GSPT1: variants seen among roughly 807,000 people sequenced by gnomAD.
The protein encoded by GSPT1 is G1 to S phase transition 1.
In GSPT1, 20 loss-of-function variants were observed where a neutral mutation model predicts 72.5. The observed-to-expected ratio is 0.28, with a 90% CI of 0.19 to 0.40. The LOEUF is 0.40. Among genes scored for constraint, GSPT1 ranks in the 10% least tolerant of loss-of-function variants. GSPT1 has a pLI of 1.00. For missense variants in GSPT1, 580 were observed against 811.9 expected, an observed-to-expected ratio of 0.71 and a Z score of 3.47; for synonymous variants, 334 against 293.5, an observed-to-expected ratio of 1.14 and a Z score of -1.41.
chr16:11,881,616 A>G, intron 11 of GSPT1: 1 of 145,332 alleles, frequency 6.9e-6, no homozygotes, highest in Non-Finnish European at 1.5e-5. Context: ...TCCCTCCTTC[A>G]GCCCCTTGCA....
chr16:11,914,289 G>A (rs141797753), intron 1 of GSPT1, among the ~76,000 whole-genome samples: 5 of 152,270 alleles, frequency 3.3e-5, no homozygotes, highest in Non-Finnish European at 5.9e-5. Context: ...GTACCTGAAA[G>A]CAAGCTACCT....
intron 1 of GSPT1, among the ~76,000 whole-genome samples, chr16:11,912,347 CAA>C (rs57472965): frequency 3.1e-4 from 34 of 110,738 alleles, no homozygotes; most frequent in South Asian, 5.6e-4. Flanking sequence ...GACTCCGTCT[CAA>C]AAAAAAAAAA....
At chr16:11,874,688 T>A (rs2054018376) in intron 14 of GSPT1, among the ~76,000 whole-genome samples, 2 of 152,150 alleles carry the variant, frequency 1.3e-5, no homozygotes, top group African/African-American at 2.4e-5. Context: ...AAATAAACAC[T>A]GTCTTTATAC....
Position 11,891,372 on chromosome 16 carries a change from T to A in GSPT1, c.699-233A>T, listed in dbSNP as rs71385104. Among the ~76,000 whole-genome samples, 1,254 of 147,878 alleles carry A rather than the reference T, an allele frequency of 8.5e-3. 8 individuals are homozygous for A. The highest frequency in any genetic ancestry group is 0.02 in the South Asian group (94 of 4,766). On this transcript the variant is annotated intron_variant, in intron 5 of 14. Coordinates refer to ENST00000434724, the MANE Select transcript of GSPT1 (RefSeq NM_002094.4). ...ATATATTACATATATATATATATTT[T>A]TTTTTTTGAGACAGAGTTTCGCTCT...
chr16:11,881,173 CAGGCA>C (rs2054117790), intron 11 of GSPT1: 1 of 152,392 alleles, frequency 6.6e-6, no homozygotes, highest in Admixed American at 6.5e-5. Context: ...GCTGGGATTA[CAGGCA>C]TGGCCCACCC....
At chr16:11,888,755 C>T (rs1020393461) in intron 6 of GSPT1, among the ~76,000 whole-genome samples, 3 of 151,880 alleles carry the variant, frequency 2.0e-5, no homozygotes, top group South Asian at 4.2e-4. Context: ...AGTGAGACTC[C>T]GTCTCAAAAA....
intron 6 of GSPT1, among the ~76,000 whole-genome samples, chr16:11,888,005 T>C (rs1264968054): frequency 6.6e-6 from 1 of 151,180 alleles, no homozygotes; most frequent in Non-Finnish European, 1.5e-5. Flanking sequence ...CTACCGAAAA[T>C]ACAAAAATTA....
Position 11,915,620 on chromosome 16 carries a change from G to C in GSPT1, c.101C>G (p.Ala34Gly), listed in dbSNP as rs1030449367. The change falls in exon 1 of 15, where the codon GCG becomes GGG. Residue 34 changes from alanine (A) to glycine (G), a missense_variant. Ala to Gly is a moderately conservative substitution (Grantham distance 60). Transcript: ENST00000434724. ...GCCCGGCCCGGGGGCTTCCATGTCCGCCTGGTCCCAGCAGTCAGGCGCCGA... is the reference window on the plus strand; with the variant it reads ...GCCCGGCCCGGGGGCTTCCATGTCCCCCTGGTCCCAGCAGTCAGGCGCCGA... ...SDSAPDCWDQ[A>G]DMEAPGPGPC... is the part of the protein sequence containing the mutation. The C allele has an allele frequency of 6.7e-7, 1 of 1,493,840 alleles. No homozygotes were observed. The highest frequency in any genetic ancestry group is 8.9e-7 in the Non-Finnish European group (1 of 1,126,360). The allele number at this position is 1,493,840 out of a possible 1,614,324, so 92.5% of individuals were successfully genotyped here.
At chr16:11,883,186 C>G in intron 10 of GSPT1, 91 bp from the exon 11 acceptor site, 1 of 752,780 alleles carries the variant, frequency 1.3e-6, no homozygotes. Context: ...ACTGCTTATT[C>G]ATAAAGGAAA....
intron 11 of GSPT1, chr16:11,881,848 AG>A: frequency 6.6e-6 from 1 of 152,058 alleles, no homozygotes; most frequent in African/African-American, 2.4e-5. Flanking sequence ...TCACAGAGAC[AG>A]GGTCTCCCTA....
chr16:11,895,489 AT>A (rs1367856312), intron 4 of GSPT1: 1 of 152,478 alleles, frequency 6.6e-6, no homozygotes, highest in Non-Finnish European at 1.5e-5. Flanking sequence ...TTTTTAACAG[AT>A]TACTCCGAAA....
At chr16:11,912,736 A>G (rs2054576445) in intron 1 of GSPT1, among the ~76,000 whole-genome samples, 1 of 152,226 alleles carries the variant, frequency 6.6e-6, no homozygotes, top group South Asian at 2.1e-4. Flanking sequence ...TTGTTCTAAT[A>G]TACATTAAGC....
rs937404384 is a variant in GSPT1 at position 11,886,569 on chromosome 16, T to C, written c.1155A>G (p.Lys385=). The C allele has an allele frequency of 1.9e-6, 3 of 1,612,454 alleles. No individual in the cohort carries two copies. Among genetic ancestry groups the C allele is most frequent in the African/African-American group, 1.3e-5 (1 of 74,916 alleles). The part of the protein sequence containing the change: ...CKEKLVPFLK[K]VGFNPKKDIH... ...TGTCCTTTTTGGGATTGAAGCCAAC[T>C]TTTTTCAAAAATGGCACTAGTTTCT... Residue 385 remains lysine, a synonymous_variant, in exon 9 of 15, where the codon AAA becomes AAG. Transcript: ENST00000434724.
At chr16:11,890,603 A>G (rs1202625963) in intron 6 of GSPT1, among the ~76,000 whole-genome samples, 10 of 152,180 alleles carry the variant, frequency 6.6e-5, no homozygotes, top group Admixed American at 6.6e-4. Context: ...AAGGTTAGAA[A>G]ACAAAAAAGT....
At chr16:11,901,649 A>G (rs1289618314) in intron 1 of GSPT1, among the ~76,000 whole-genome samples, 1 of 150,916 alleles carries the variant, frequency 6.6e-6, no homozygotes, top group Non-Finnish European at 1.5e-5. Context: ...GAATTAGGCT[A>G]GACATGGTGG....
intron 1 of GSPT1, chr16:11,908,477 T>TCGCC (rs2054515266): frequency 9.5e-6 from 1 of 105,656 alleles, no homozygotes; most frequent in Non-Finnish European, 1.8e-5. Flanking sequence ...ATACAAAAAT[T>TCGCC]AGGCCGGGCG....
rs2054060941 is a variant in GSPT1 at position 11,877,302 on chromosome 16, G to A, written c.1602+105C>T. ...TTTCCATTCCCCTTCTCTACACTAA[G>A]ATGGGTTAACTGGCATGTCACAAAT... is the stretch of plus-strand genomic sequence containing the variant. On this transcript the variant is annotated intron_variant, in intron 12 of 14. Transcript: ENST00000434724. This position sits in a 1 kb window ranked among gnomAD's most constrained non-coding sequence, Gnocchi z 4.0. The A allele has an allele frequency of 1.4e-6, 1 of 733,000 alleles. No individual in the cohort carries two copies. The highest frequency in any genetic ancestry group is 1.8e-5 in the African/African-American group (1 of 55,464). The allele number at this position is 733,000 out of a possible 1,614,324, so 45.4% of individuals were successfully genotyped here.
chr16:11,911,216 C>G lies in GSPT1; in HGVS notation c.352+4153G>C, dbSNP rs911878379. ...ATATTAATAAAGTGTAAGGGCCTTTCTGGATTAAACAACCATTACTTTGAT... is the reference window on the plus strand; with the variant it reads ...ATATTAATAAAGTGTAAGGGCCTTTGTGGATTAAACAACCATTACTTTGAT... On this transcript the variant is annotated intron_variant, in intron 1 of 14. Coordinates refer to ENST00000434724, the MANE Select transcript of GSPT1 (RefSeq NM_002094.4). Among the ~76,000 whole-genome samples the G allele has an allele frequency of 4.6e-5, 7 of 152,216 alleles. 1 individual carries two copies. The highest frequency in any genetic ancestry group is 4.1e-4 in the South Asian group (2 of 4,830).
intron 9 of GSPT1, among the ~76,000 whole-genome samples, 155 bp from the exon 10 acceptor site, chr16:11,885,429 A>G (rs1416104847): frequency 6.6e-6 from 1 of 152,174 alleles, no homozygotes; most frequent in African/African-American, 2.4e-5. Flanking sequence ...CACTTATTCC[A>G]CAGAAAACTA....
Sources: allele counts gnomAD v4.1 joint callset (sites outside exome capture counted in the v4.1 genomes callset), GRCh38; gene constraint gnomAD v4.1.1; non-coding constraint Gnocchi (gnomAD v3.1); transcripts MANE v1.5; gene names NCBI Gene and HGNC (gene_info 2026-07-23, HGNC 2026-07-21).